The following MAML2 variants were observed in gnomAD, a reference collection of about 807,000 sequenced individuals.
MAML2 encodes mastermind-like protein 2.
MAML2 carries 22 observed loss-of-function variants against 96.1 expected under a neutral mutation model. The observed-to-expected ratio is 0.23, with a 90% CI of 0.16 to 0.33. The LOEUF is 0.33. Among genes scored for constraint, MAML2 ranks in the 10% least tolerant of loss-of-function variants. MAML2 has a pLI of 1.00. For synonymous variants in MAML2, 561 were observed against 521.3 expected, an observed-to-expected ratio of 1.08 and a Z score of -1.04; for missense variants, 1,367 against 1,392.4, an observed-to-expected ratio of 0.98 and a Z score of 0.29.
intron 1 of MAML2, among the ~76,000 whole-genome samples, chr11:96,127,256 C>T (rs981317173): frequency 4.6e-5 from 7 of 152,160 alleles, no homozygotes; most frequent in African/African-American, 1.4e-4. Flanking sequence ...CTGCATAGTG[C>T]CATTTCAATT....
intron 2 of MAML2, among the ~76,000 whole-genome samples, chr11:95,993,296 G>A (rs766434322): frequency 1.1e-4 from 16 of 152,076 alleles, no homozygotes; most frequent in African/African-American, 2.2e-4. Flanking sequence ...AGTTGGGTGC[G>A]GTGGCTCATG....
At chr11:96,121,984 T>G (rs964403698) in intron 1 of MAML2, among the ~76,000 whole-genome samples, 3 of 59,248 alleles carry the variant, frequency 5.1e-5, no homozygotes, top group East Asian at 4.9e-4. Flanking sequence ...TTTTTTTTTG[T>G]ATTTTTTAGT....
chr11:96,138,582 C>T (rs1228798758), intron 1 of MAML2, among the ~76,000 whole-genome samples: 1 of 152,022 alleles, frequency 6.6e-6, no homozygotes, highest in Non-Finnish European at 1.5e-5. Flanking sequence ...TTTTCCTTAC[C>T]CCCAAGTGGT....
At chr11:96,257,041 A>T (rs767007605) in intron 1 of MAML2, among the ~76,000 whole-genome samples, 60 of 152,244 alleles carry the variant, frequency 3.9e-4, no homozygotes, top group Non-Finnish European at 1.6e-4. Context: ...GTAAAAATAC[A>T]GTTTCCAGCA....
At chr11:96,306,629 T>C (rs1376942145) in intron 1 of MAML2, among the ~76,000 whole-genome samples, 1 of 152,224 alleles carries the variant, frequency 6.6e-6, no homozygotes, top group Non-Finnish European at 1.5e-5. Flanking sequence ...CTTTCCCAGG[T>C]AAGTGAGGCA....
At chr11:96,087,381 G>C (rs574452316) in intron 2 of MAML2, among the ~76,000 whole-genome samples, 6 of 152,152 alleles carry the variant, frequency 3.9e-5, no homozygotes, top group Admixed American at 6.6e-5. Context: ...AAGATAAATG[G>C]TGAAATATCA....
intron 1 of MAML2, among the ~76,000 whole-genome samples, chr11:96,337,013 G>A (rs932560185): frequency 1.3e-5 from 2 of 152,108 alleles, no homozygotes; most frequent in Non-Finnish European, 2.9e-5. Flanking sequence ...TCAAAGAAAG[G>A]TTTTTATCAA....
chr11:96,328,036 C>T (rs539499279), intron 1 of MAML2, among the ~76,000 whole-genome samples: 2 of 152,184 alleles, frequency 1.3e-5, no homozygotes, highest in South Asian at 4.1e-4. Context: ...GTGGAGGTTA[C>T]AGTGAGCCAA....
chr11:96,016,645 GGAA>G lies in MAML2; in HGVS notation c.2140-24925_2140-24923del, dbSNP rs370233102. Among the ~76,000 whole-genome samples the G allele has an allele frequency of 1.4e-3, 214 of 152,194 alleles. 2 individuals carry two copies. The South Asian group carries it at 0.027, about 19-fold the overall frequency. ...TGATGACATTTTACAAAAGCTTTTGGGAAGAAGAAGAAGGGCTCCTATGTTCAT... is the reference window on the plus strand; with the variant it reads ...TGATGACATTTTACAAAAGCTTTTGGGAAGAAGAAGGGCTCCTATGTTCAT... On this transcript the variant is annotated intron_variant, in intron 2 of 4. Coordinates refer to ENST00000524717, the MANE Select transcript of MAML2 (RefSeq NM_032427.4).
intron 1 of MAML2, among the ~76,000 whole-genome samples, chr11:96,291,555 T>A (rs1329820765): frequency 3.3e-5 from 5 of 152,198 alleles, no homozygotes; most frequent in Non-Finnish European, 7.4e-5. Context: ...CTGCTTTTAG[T>A]GTATTCTTCT....
At chr11:96,046,764 A>T (rs1174287176) in intron 2 of MAML2, among the ~76,000 whole-genome samples, 1 of 152,086 alleles carries the variant, frequency 6.6e-6, no homozygotes, top group Non-Finnish European at 1.5e-5. Context: ...GTATCTTCTA[A>T]GTGTCAGAGT....
intron 2 of MAML2, among the ~76,000 whole-genome samples, chr11:96,073,663 C>T (rs1859385194): frequency 6.6e-6 from 1 of 152,150 alleles, no homozygotes; most frequent in African/African-American, 2.4e-5. Context: ...TGAAGCCGAT[C>T]TACTATCTTG....
chr11:96,304,966 T>G (rs1264755294), intron 1 of MAML2, among the ~76,000 whole-genome samples: 1 of 152,178 alleles, frequency 6.6e-6, no homozygotes, highest in African/African-American at 2.4e-5. Context: ...AGAATAACAT[T>G]CTGAAATATT....
In MAML2 at chr11:95,990,585, T is replaced by C. The variant is rs1452700854; in HGVS notation, c.2343+935A>G. ...ACAATTGGCCAATTTATCTGACATA[T>C]CCTCAGTGGGCTCAAGGCTTCTCTA... On this transcript the variant is annotated intron_variant, in intron 3 of 4. Coordinates refer to ENST00000524717, the MANE Select transcript of MAML2 (RefSeq NM_032427.4). Among the ~76,000 whole-genome samples, 3 of 152,156 alleles carry C rather than the reference T, an allele frequency of 2.0e-5. 1 individual carries two copies. The highest frequency in any genetic ancestry group is 7.2e-5 in the African/African-American group (3 of 41,440).
intron 2 of MAML2, among the ~76,000 whole-genome samples, chr11:96,085,640 C>G (rs894205285): frequency 3.9e-5 from 6 of 152,184 alleles, no homozygotes; most frequent in Admixed American, 3.9e-4. Flanking sequence ...CCCTTCTTTC[C>G]CTAGTTGGAA....
At chr11:96,192,688 A>C (rs1007379916) in intron 1 of MAML2, among the ~76,000 whole-genome samples, 2 of 152,202 alleles carry the variant, frequency 1.3e-5, no homozygotes, top group African/African-American at 4.8e-5. Flanking sequence ...ACGCCTTCTA[A>C]CTACTCTCAG....
chr11:96,122,434 G>A (rs902333193), intron 1 of MAML2, among the ~76,000 whole-genome samples: 14 of 151,982 alleles, frequency 9.2e-5, no homozygotes, highest in African/African-American at 3.1e-4. Flanking sequence ...GAACGGGAAA[G>A]AAAGTCAAAG....
At chr11:96,102,890 C>G (rs1187927680) in intron 1 of MAML2, among the ~76,000 whole-genome samples, 1 of 152,106 alleles carries the variant, frequency 6.6e-6, no homozygotes, top group Non-Finnish European at 1.5e-5. Context: ...CACTTTTTGC[C>G]CAAAATATAT....
intron 1 of MAML2, among the ~76,000 whole-genome samples, chr11:96,137,768 A>C (rs1860660944): frequency 6.6e-6 from 1 of 152,248 alleles, no homozygotes; most frequent in Admixed American, 6.5e-5. Flanking sequence ...TATTATTATT[A>C]GAAAATTAGA....
Sources: allele counts gnomAD v4.1 joint callset (sites outside exome capture counted in the v4.1 genomes callset), GRCh38; gene constraint gnomAD v4.1.1; transcripts MANE v1.5; gene names NCBI Gene and HGNC (gene_info 2026-07-23, HGNC 2026-07-21).